CFAP54: variants seen among roughly 807,000 people sequenced by gnomAD.
CFAP54 encodes the protein cilia- and flagella-associated protein 54.
In CFAP54, 290 loss-of-function variants were observed where a neutral mutation model predicts 370.4. The ratio of observed to expected loss-of-function variants is 0.78; its 90% CI spans 0.71 to 0.86. CFAP54 has a LOEUF of 0.86. CFAP54 is among the 40% of genes least tolerant of loss of function. CFAP54 has a pLI of 0.00. For missense variants in CFAP54, 3,399 were observed against 3,528.7 expected, an observed-to-expected ratio of 0.96 and a Z score of 0.93; for synonymous variants, 1,206 against 1,236.5, an observed-to-expected ratio of 0.98 and a Z score of 0.52.
At chr12:96,832,597 T>C (rs1339578150) in intron 66 of CFAP54, among the ~76,000 whole-genome samples, 2 of 152,202 alleles carry the variant, frequency 1.3e-5, no homozygotes, top group Non-Finnish European at 2.9e-5. Flanking sequence ...TCATCATTAT[T>C]ATCATCATCC....
chr12:96,737,421 TG>T (rs1957991976), intron 50 of CFAP54, among the ~76,000 whole-genome samples: 1 of 150,860 alleles, frequency 6.6e-6, no homozygotes, highest in South Asian at 2.1e-4. Flanking sequence ...AGAATTTCTG[TG>T]GCCAATGTTA....
At chr12:96,797,059 T>A (rs1565981596) in intron 63 of CFAP54, among the ~76,000 whole-genome samples, 2 of 152,204 alleles carry the variant, frequency 1.3e-5, no homozygotes, top group South Asian at 4.1e-4. Flanking sequence ...AATAGTTTTG[T>A]AAAATTTTCA....
At chr12:96,786,582 G>A (rs1254949848) in intron 61 of CFAP54, 93 bp from the exon 62 acceptor site, 3 of 888,756 alleles carry the variant, frequency 3.4e-6, no homozygotes, top group Non-Finnish European at 5.0e-6. Context: ...GTGGGAATAT[G>A]TAACGATAGT....
intron 32 of CFAP54, among the ~76,000 whole-genome samples, chr12:96,642,406 A>T (rs1190503803): frequency 6.6e-6 from 1 of 152,176 alleles, no homozygotes; most frequent in Non-Finnish European, 1.5e-5. Context: ...TGGGAAATGT[A>T]TTTGTTCAGA....
intron 17 of CFAP54, among the ~76,000 whole-genome samples, chr12:96,559,106 C>T (rs1299569624): frequency 6.6e-6 from 1 of 152,062 alleles, no homozygotes; most frequent in South Asian, 2.1e-4. Flanking sequence ...ATCCCAGCTA[C>T]TTGGGAGGCT....
chr12:96,556,134 A>T (rs1452067305), intron 17 of CFAP54, among the ~76,000 whole-genome samples: 1 of 152,082 alleles, frequency 6.6e-6, no homozygotes, highest in African/African-American at 2.4e-5. Flanking sequence ...AAATGTAAAA[A>T]AAAAATCTTA....
intron 17 of CFAP54, among the ~76,000 whole-genome samples, chr12:96,562,674 GC>G (rs1195139289): frequency 6.6e-6 from 1 of 151,744 alleles, no homozygotes; most frequent in African/African-American, 2.4e-5. Flanking sequence ...CAAACGATCT[GC>G]CCACCTTGGC....
intron 48 of CFAP54, among the ~76,000 whole-genome samples, chr12:96,712,354 A>G (rs949666499): frequency 3.9e-5 from 6 of 152,140 alleles, no homozygotes; most frequent in African/African-American, 1.4e-4. Context: ...ATAAATTCTC[A>G]TATGTACCAG....
intron 66 of CFAP54, among the ~76,000 whole-genome samples, chr12:96,847,245 C>T (rs4762334): frequency 1.3e-5 from 2 of 151,934 alleles, no homozygotes; most frequent in Non-Finnish European, 2.9e-5. Flanking sequence ...AGTGAGCCGC[C>T]CTCCCTCCCA....
chr12:96,661,899 A>C (rs1956998729), intron 38 of CFAP54, among the ~76,000 whole-genome samples: 2 of 152,258 alleles, frequency 1.3e-5, no homozygotes, highest in Non-Finnish European at 1.5e-5. Flanking sequence ...CATCTCAAAC[A>C]AGCCTGTTCT....
chr12:96,785,407 TTA>T (rs1464581274), intron 61 of CFAP54, among the ~76,000 whole-genome samples: 1 of 152,104 alleles, frequency 6.6e-6, no homozygotes, highest in Non-Finnish European at 1.5e-5. Context: ...TGTGACATTG[TTA>T]TGTTTTATCT....
chr12:96,676,734 T>C (rs1833467), intron 39 of CFAP54, among the ~76,000 whole-genome samples: 150,158 of 152,102 alleles, frequency 0.99, 74,123 homozygotes, highest in East Asian at 1. Flanking sequence ...TTAGTAGAGA[T>C]GGGGTTTCAC....
intron 28 of CFAP54, 48 bp downstream of exon 28, chr12:96,623,929 A>G: frequency 8.5e-7 from 1 of 1,176,886 alleles, no homozygotes; most frequent in Non-Finnish European, 1.2e-6. Flanking sequence ...AAGTTTTTTA[A>G]AACGAGAAAC....
chr12:96,563,353 T>G (rs1272110486), intron 17 of CFAP54, among the ~76,000 whole-genome samples: 1 of 152,236 alleles, frequency 6.6e-6, no homozygotes, highest in Non-Finnish European at 1.5e-5. Context: ...CTTGTCTTTC[T>G]TTAGCATGCT....
Position 96,743,392 on chromosome 12 carries a change from T to G in CFAP54, c.7220-10T>G. The stretch of plus-strand genomic sequence containing the variant: ...AATGCATTTTAAATAACCGCATTTG[T>G]TTATTTTAGAGGATGATATGACAGA... On this transcript the variant is annotated splice_polypyrimidine_tract_variant and intron_variant, in intron 52 of 67. Transcript: ENST00000524981. 1 of 1,610,512 alleles carries G rather than the reference T, an allele frequency of 6.2e-7. No individual in the cohort carries two copies. Among genetic ancestry groups the G allele is most frequent in the Non-Finnish European group, 8.5e-7 (1 of 1,178,260 alleles).
intron 62 of CFAP54, among the ~76,000 whole-genome samples, chr12:96,791,448 C>T (rs1958692208): frequency 6.6e-6 from 1 of 152,048 alleles, no homozygotes. Flanking sequence ...CTGAAGATTC[C>T]TCATTCAGTG....
chr12:96,614,917 T>A (rs530917977), intron 26 of CFAP54, among the ~76,000 whole-genome samples: 41 of 152,198 alleles, frequency 2.7e-4, no homozygotes, highest in Non-Finnish European at 5.4e-4. Flanking sequence ...ATCAATATTG[T>A]GAAAATGGCC....
intron 38 of CFAP54, among the ~76,000 whole-genome samples, chr12:96,660,263 A>G (rs1196395268): frequency 2.0e-5 from 3 of 152,184 alleles, no homozygotes; most frequent in Non-Finnish European, 4.4e-5. Flanking sequence ...AAGTGTAGCA[A>G]ACAAGGGGCA....
At chr12:96,507,199 G>T (rs1565878362) in intron 4 of CFAP54, 100 bp downstream of exon 4, 1 of 904,652 alleles carries the variant, frequency 1.1e-6, no homozygotes, top group South Asian at 2.4e-5. Context: ...TAAAACATAC[G>T]CATTTCATAA....
Sources: gnomAD v4.1 joint callset for allele counts (sites outside exome capture counted in the v4.1 genomes callset) on GRCh38, gnomAD v4.1.1 for gene constraint, MANE v1.5 for transcripts, NCBI Gene and HGNC (gene_info 2026-07-23, HGNC 2026-07-21) for gene names.